The following ZNF579 variants were observed in gnomAD, a reference collection of about 807,000 sequenced individuals.
ZNF579 encodes the protein zinc finger protein 579.
Under a neutral mutation model 5.7 loss-of-function variants are expected in ZNF579, and 3 were observed. The observed-to-expected ratio is 0.53, with a 90% confidence interval of 0.24 to 1.36. The LOEUF (loss-of-function observed/expected upper bound fraction) is 1.36. ZNF579 is among the 40% of genes most tolerant of loss of function. ZNF579 has a pLI of 0.16. For synonymous variants in ZNF579, 454 were observed against 409.0 expected, an observed-to-expected ratio of 1.11 and a Z score of -1.33; for missense variants, 679 against 877.6, an observed-to-expected ratio of 0.77 and a Z score of 2.86.
chr19:55,578,758 G>C lies in ZNF579; in HGVS notation c.882C>G (p.Thr294=). Residue 294 remains threonine, a synonymous_variant, in exon 2 of 2, where the codon ACC becomes ACG. Transcript: ENST00000325421. The part of the protein sequence containing the change: ...SLSRHRLVHS[T]DRPFVCPDCG... ...AGTCTGGGCACACGAAAGGGCGGTC[G>C]GTGGAGTGGACCAGCCGGTGGCGCG... 6.2e-7 allele frequency: 1 copy of C among 1,602,046 alleles called. No homozygotes were observed. Among genetic ancestry groups the C allele is most frequent in the Non-Finnish European group, 8.5e-7 (1 of 1,175,568 alleles).
Position 55,579,375 on chromosome 19 carries a change from G to A in ZNF579, c.265C>T (p.Arg89Cys). Residue 89 changes from arginine (R) to cysteine (C), a missense_variant, in exon 2 of 2, where the codon CGC becomes TGC. This residue lies in a region of ZNF579 where 134 missense variants were observed against 208.9 expected (regional missense o/e 0.64). Transcript: ENST00000325421. ...KAFRRPAHLSRHLRGHGPQPP... is the reference protein window; with the variant it reads ...KAFRRPAHLSCHLRGHGPQPP... ...TGGGGCCCGTGGCCGCGCAGGTGGC[G>A]GGAAAGGTGGGCCGGCCGGCGGAAG... The A allele has an allele frequency of 7.5e-7, 1 of 1,340,478 alleles. No individual in the cohort carries two copies. The highest frequency in any genetic ancestry group is 9.6e-7 in the Non-Finnish European group (1 of 1,046,592). 83.0% of individuals were successfully genotyped at this position (1,340,478 alleles called of 1,614,324 possible). A position where few individuals can be genotyped will look rare whatever the true frequency, so the allele number is the denominator to read the frequency against.
Position 55,578,881 on chromosome 19 carries a change from G to T in ZNF579, c.759C>A (p.Pro253=). 1 of 1,596,100 alleles carries T rather than the reference G, an allele frequency of 6.3e-7. No individual in the cohort carries two copies. The highest frequency in any genetic ancestry group is 8.5e-7 in the Non-Finnish European group (1 of 1,171,778). ...GELKAHPCLR[P]EGEQEGEGGP... Reference sequence around the variant, plus strand: ...CCCCTTCCCCTTCCTGTTCGCCCTCGGGGCGCAGACACGGGTGCGCCTTGA... The same window carrying T: ...CCCCTTCCCCTTCCTGTTCGCCCTCTGGGCGCAGACACGGGTGCGCCTTGA... The change falls in exon 2 of 2, where the codon CCC becomes CCA. Residue 253 remains proline (P), a synonymous_variant. Transcript: ENST00000325421.
chr19:55,579,539 C>G lies in ZNF579; in HGVS notation c.101G>C (p.Arg34Thr). ...RGRGRGRGRGRGGAGAPRAPL... is the reference protein window; with the variant it reads ...RGRGRGRGRGTGGAGAPRAPL... ...CGCCCTAGGGGCTCCAGCGCCCCCC[C>G]TGCCACGGCCACGGCCCCGACCACG... Residue 34 changes from arginine (R) to threonine (T), a missense_variant, in exon 2 of 2, where the codon AGG (arginine) becomes ACG (threonine). By Grantham distance (71) the Arg-to-Thr change is moderately conservative. Around this residue, in one of 6 missense-constraint regions of ZNF579, gnomAD observed 134 missense variants for 208.9 expected, o/e 0.64. Coordinates refer to ENST00000325421, the MANE Select transcript of ZNF579 (RefSeq NM_152600.3). 6.8e-7 allele frequency: 1 copy of G among 1,460,562 alleles called. No homozygotes were observed. The highest frequency in any genetic ancestry group is 9.0e-7 in the Non-Finnish European group (1 of 1,112,334). 90.5% of individuals were successfully genotyped at this position (1,460,562 alleles called of 1,614,324 possible).
chr19:55,577,743 G>T lies in ZNF579; in HGVS notation c.*208C>A. On this transcript the variant is annotated 3_prime_UTR_variant, in exon 2 of 2. Coordinates refer to ENST00000325421, the MANE Select transcript of ZNF579 (RefSeq NM_152600.3). The stretch of plus-strand genomic sequence containing the variant: ...CAAGTCGTCCTGCCTTAAGACACAT[G>T]TTGGGGTGAGCGGTTCCTAACCAGC... 3.2e-6 allele frequency: 3 copies of T among 934,936 alleles called. No individual in the cohort carries two copies. Among genetic ancestry groups the T allele is most frequent in the Non-Finnish European group, 4.6e-6 (3 of 646,928 alleles). 57.9% of individuals were successfully genotyped at this position (934,936 alleles called of 1,614,324 possible).
chr19:55,579,645 T>TGGGGAGAGA lies in ZNF579; in HGVS notation c.-2-13_-2-5dup, dbSNP rs916149323. 9.9e-5 allele frequency: 142 copies of TGGGGAGAGA among 1,438,772 alleles called. No homozygotes were observed. Among genetic ancestry groups the TGGGGAGAGA allele is most frequent in the Admixed American group, 2.1e-4 (7 of 33,976 alleles). The allele number at this position is 1,438,772 out of a possible 1,614,324, so 89.1% of individuals were successfully genotyped here. A position where few individuals can be genotyped will look rare whatever the true frequency, so the allele number is the denominator to read the frequency against. On this transcript the variant is annotated splice_polypyrimidine_tract_variant and splice_region_variant and intron_variant, in intron 1 of 1. Coordinates refer to ENST00000325421, the MANE Select transcript of ZNF579 (RefSeq NM_152600.3). ...GGAGGAGGCTGCGGATCCATGCCTG[T>TGGGGAGAGA]GGGGAGAGAGGGGAGAGATGGGAAG...
chr19:55,577,469 C>T lies in ZNF579; in HGVS notation c.*482G>A, dbSNP rs1203626579. Reference sequence around the variant, plus strand: ...CAAGTTCAGAGTTGGCTGGACAAATCCTGACTCGCCCCAGCGCCCCCAGCC... The same window carrying T: ...CAAGTTCAGAGTTGGCTGGACAAATTCTGACTCGCCCCAGCGCCCCCAGCC... On this transcript the variant is annotated 3_prime_UTR_variant, in exon 2 of 2. Coordinates refer to ENST00000325421, the MANE Select transcript of ZNF579 (RefSeq NM_152600.3). 5 of 165,854 alleles carry T rather than the reference C, an allele frequency of 3.0e-5. No homozygotes were observed. Among genetic ancestry groups the T allele is most frequent in the Admixed American group, 1.1e-4 (2 of 17,992 alleles). 10.3% of individuals were successfully genotyped at this position (165,854 alleles called of 1,614,324 possible).
Position 55,579,436 on chromosome 19 carries a change from C to A in ZNF579, c.204G>T (p.Gly68=), listed in dbSNP as rs1280318558. 2 of 1,336,918 alleles carry A rather than the reference C, an allele frequency of 1.5e-6. No individual in the cohort carries two copies. The highest frequency in any genetic ancestry group is 6.5e-5 in the East Asian group (2 of 30,704). The allele number at this position is 1,336,918 out of a possible 1,614,324, so 82.8% of individuals were successfully genotyped here. ...YLSRHRLSHS[G]LRPHACPLCP... ...ACAGCGGGCAGGCGTGGGGCCGGAG[C>A]CCCGAGTGGCTCAGCCGGTGCCGGG... Residue 68 remains glycine, a synonymous_variant, in exon 2 of 2, where the codon GGG becomes GGT. Transcript: ENST00000325421.
In ZNF579 at chr19:55,578,295, GGCGCGGGCA is replaced by G; in HGVS notation, c.1336_1344del (p.Cys446_Arg448del). On this transcript the variant is annotated inframe_deletion, in exon 2 of 2. Transcript: ENST00000325421. ...AGGAGGCTGTAGGCGCGCGAGAAGC[GGCGCGGGCA>G]GCGGGGGCACGGGTGCGGGGCTGGG... The G allele has an allele frequency of 7.7e-7, 1 of 1,291,384 alleles. No individual in the cohort carries two copies. Among genetic ancestry groups the G allele is most frequent in the Non-Finnish European group, 9.8e-7 (1 of 1,023,096 alleles). The allele number at this position is 1,291,384 out of a possible 1,614,324, so 80.0% of individuals were successfully genotyped here. A position where few individuals can be genotyped will look rare whatever the true frequency, so the allele number is the denominator to read the frequency against.
chr19:55,578,195 G>C lies in ZNF579; in HGVS notation c.1445C>G (p.Thr482Arg). ...GGGCGGCGGGGGCGGTGGCGGCGACGTCGGGGCCTGGGCCTGCAGTGCCTG... is the reference window on the plus strand; with the variant it reads ...GGGCGGCGGGGGCGGTGGCGGCGACCTCGGGGCCTGGGCCTGCAGTGCCTG... ...ALQALQAQAPTSPPPPPPPLK... is the reference protein window; with the variant it reads ...ALQALQAQAPRSPPPPPPPLK... The change falls in exon 2 of 2, where the codon ACG (threonine) becomes AGG (arginine). Residue 482 changes from threonine to arginine, a missense_variant. By Grantham distance (71) the Thr-to-Arg change is moderately conservative (BLOSUM62 -1). Coordinates refer to ENST00000325421, the MANE Select transcript of ZNF579 (RefSeq NM_152600.3). 6.7e-7 allele frequency: 1 copy of C among 1,485,674 alleles called. No homozygotes were observed. Among genetic ancestry groups the C allele is most frequent in the Non-Finnish European group, 8.9e-7 (1 of 1,120,838 alleles). The allele number at this position is 1,485,674 out of a possible 1,614,324, so 92.0% of individuals were successfully genotyped here.
Position 55,578,177 on chromosome 19 carries a change from G to A in ZNF579, c.1463C>T (p.Pro488Leu), listed in dbSNP as rs540417047. ...CTCCTGCTCGGCCTTCAGGGGCGGC[G>A]GGGGCGGTGGCGGCGACGTCGGGGC... is the stretch of plus-strand genomic sequence containing the variant. ...AQAPTSPPPP[P>L]PPLKAEQEEE... Residue 488 changes from proline (P) to leucine (L), a missense_variant, in exon 2 of 2, where the codon CCG becomes CTG. Transcript: ENST00000325421. 1.2e-4 allele frequency: 177 copies of A among 1,499,748 alleles called. 2 individuals carry two copies. In the South Asian group the frequency reaches 1.3e-3, roughly 11 times the overall value. 92.9% of individuals were successfully genotyped at this position (1,499,748 alleles called of 1,614,324 possible).
In ZNF579 at chr19:55,578,189, G is replaced by A; in HGVS notation, c.1451C>T (p.Pro484Leu). 6.7e-7 allele frequency: 1 copy of A among 1,489,364 alleles called. No homozygotes were observed. The highest frequency in any genetic ancestry group is 2.5e-5 in the East Asian group (1 of 40,560). 92.3% of individuals were successfully genotyped at this position (1,489,364 alleles called of 1,614,324 possible). A position where few individuals can be genotyped will look rare whatever the true frequency, so the allele number is the denominator to read the frequency against. ...CTTCAGGGGCGGCGGGGGCGGTGGCGGCGACGTCGGGGCCTGGGCCTGCAG... is the reference window on the plus strand; with the variant it reads ...CTTCAGGGGCGGCGGGGGCGGTGGCAGCGACGTCGGGGCCTGGGCCTGCAG... Reference protein sequence around the residue: ...QALQAQAPTSPPPPPPPLKAE... With the variant: ...QALQAQAPTSLPPPPPPLKAE... The change falls in exon 2 of 2, where the codon CCG becomes CTG. Residue 484 changes from proline to leucine, a missense_variant. Coordinates refer to ENST00000325421, the MANE Select transcript of ZNF579 (RefSeq NM_152600.3).
At chr19:55,579,689 A>C (rs926048524) in intron 1 of ZNF579, 48 bp from the exon 2 acceptor site, 38 of 1,382,810 alleles carry the variant, frequency 2.7e-5, no homozygotes, top group Non-Finnish European at 3.5e-5. Flanking sequence ...AGATAAAAAG[A>C]GGTGCGTGGG....
At chr19:55,580,424 C>T (rs1435285819) in intron 1 of ZNF579, among the ~76,000 whole-genome samples, 1 of 151,572 alleles carries the variant, frequency 6.6e-6, no homozygotes, top group Non-Finnish European at 1.5e-5. Context: ...GGGATTGAGA[C>T]TCCTGGGTCC....
chr19:55,579,049 C>T lies in ZNF579; in HGVS notation c.591G>A (p.Glu197=). 6 of 1,529,886 alleles carry T rather than the reference C, an allele frequency of 3.9e-6. No homozygotes were observed. Among genetic ancestry groups the T allele is most frequent in the Non-Finnish European group, 5.2e-6 (6 of 1,144,524 alleles). 94.8% of individuals were successfully genotyped at this position (1,529,886 alleles called of 1,614,324 possible). Residue 197 remains glutamate, a synonymous_variant, in exon 2 of 2, where the codon GAG becomes GAA. Transcript: ENST00000325421. ...GCTCTGCTGCCCCGGCCTCGGCCTC[C>T]TCCGACTCCGACTCCCGGGGCTCCG... is the stretch of plus-strand genomic sequence containing the variant. ...SAAEPRESES[E]EAEAGAAELR...
At chr19:55,580,285 C>T (rs966060911) in intron 1 of ZNF579, among the ~76,000 whole-genome samples, 2 of 151,736 alleles carry the variant, frequency 1.3e-5, no homozygotes, top group Non-Finnish European at 2.9e-5. Flanking sequence ...CGGTAGGCCC[C>T]GGAAATAGAG....
In ZNF579 at chr19:55,578,287, C is replaced by T; in HGVS notation, c.1353G>A (p.Ser451=). The change falls in exon 2 of 2, where the codon TCG becomes TCA. Residue 451 remains serine, a synonymous_variant. Transcript: ENST00000325421. ...HPCPRCPRRF[S]RAYSLLRHQR... Reference sequence around the variant, plus strand: ...GGTGGCGCAGGAGGCTGTAGGCGCGCGAGAAGCGGCGCGGGCAGCGGGGGC... The same window carrying T: ...GGTGGCGCAGGAGGCTGTAGGCGCGTGAGAAGCGGCGCGGGCAGCGGGGGC... 1 of 1,298,366 alleles carries T rather than the reference C, an allele frequency of 7.7e-7. No individual in the cohort carries two copies. The highest frequency in any genetic ancestry group is 9.7e-7 in the Non-Finnish European group (1 of 1,027,522). 80.4% of individuals were successfully genotyped at this position (1,298,366 alleles called of 1,614,324 possible). A position where few individuals can be genotyped will look rare whatever the true frequency, so the allele number is the denominator to read the frequency against.
chr19:55,578,557 C>A lies in ZNF579; in HGVS notation c.1083G>T (p.Ser361=). Residue 361 remains serine (S), a synonymous_variant, in exon 2 of 2, where the codon TCG becomes TCT. Coordinates refer to ENST00000325421, the MANE Select transcript of ZNF579 (RefSeq NM_152600.3). ...CTCCGTTCTGCCCTTCTCCCCCTTC[C>A]GAGGCACCCCCGCACTCCGCCCCCT... is the stretch of plus-strand genomic sequence containing the variant. ...GGEGAECGGA[S]EGGEGQNGGD... 3 of 1,433,498 alleles carry A rather than the reference C, an allele frequency of 2.1e-6. No individual in the cohort carries two copies. The highest frequency in any genetic ancestry group is 2.7e-6 in the Non-Finnish European group (3 of 1,102,236). The allele number at this position is 1,433,498 out of a possible 1,614,324, so 88.8% of individuals were successfully genotyped here. A position where few individuals can be genotyped will look rare whatever the true frequency, so the allele number is the denominator to read the frequency against.
Position 55,579,052 on chromosome 19 carries a change from C to T in ZNF579, c.588G>A (p.Ser196=), listed in dbSNP as rs964452982. ...TSAAEPRESE[S]EEAEAGAAEL... ...CTGCTGCCCCGGCCTCGGCCTCCTC[C>T]GACTCCGACTCCCGGGGCTCCGCGG... is the stretch of plus-strand genomic sequence containing the variant. The change falls in exon 2 of 2, where the codon TCG becomes TCA. Residue 196 remains serine (S), a synonymous_variant. Transcript: ENST00000325421. 3.9e-6 allele frequency: 6 copies of T among 1,529,814 alleles called. No homozygotes were observed. Among genetic ancestry groups the T allele is most frequent in the African/African-American group, 2.8e-5 (2 of 71,816 alleles). The allele number at this position is 1,529,814 out of a possible 1,614,324, so 94.8% of individuals were successfully genotyped here.
chr19:55,578,665 C>G lies in ZNF579; in HGVS notation c.975G>C (p.Leu325=). Residue 325 remains leucine (L), a synonymous_variant, in exon 2 of 2, where the codon CTG becomes CTC. Coordinates refer to ENST00000325421, the MANE Select transcript of ZNF579 (RefSeq NM_152600.3). ...TGCCCGCCGCGGGCAGCGGGGCCAG[C>G]AGGCTGAGGGGGCCGTGGACGCGGC... The part of the protein sequence containing the change: ...QHRRVHGPLS[L]LAPLPAAGKK... The G allele has an allele frequency of 6.5e-7, 1 of 1,536,258 alleles. No individual in the cohort carries two copies. The highest frequency in any genetic ancestry group is 1.7e-4 in the Middle Eastern group (1 of 5,730).
Sources: gnomAD v4.1 joint callset for allele counts (sites outside exome capture counted in the v4.1 genomes callset) on GRCh38, gnomAD v4.1.1 for gene constraint, gnomAD v4.1.1 regional missense constraint, MANE v1.5 for transcripts, NCBI Gene and HGNC (gene_info 2026-07-23, HGNC 2026-07-21) for gene names.